Variants in TARS2 observed in about 807,000 individuals in gnomAD.
TARS2 encodes threonyl-tRNA synthetase 2, mitochondrial.
A neutral mutation model predicts 94.4 loss-of-function variants in TARS2; 61 were observed. The ratio of observed to expected loss-of-function variants is 0.65; its 90% CI spans 0.53 to 0.80. The LOEUF (loss-of-function observed/expected upper bound fraction) is 0.80, where lower values mean the gene tolerates loss of function less well. TARS2 is among the 30% of genes least tolerant of loss of function. The pLI, the probability that TARS2 is intolerant of heterozygous loss-of-function variation, is 0.00. For missense variants in TARS2, 704 were observed against 902.5 expected (o/e 0.78, Z 2.82); for synonymous variants, 359 against 353.4 (o/e 1.02, Z -0.18).
At chr1:150,488,177 C>T in intron 2 of TARS2, 123 bp downstream of exon 2, 1 of 1,162,198 alleles carries the variant, frequency 8.6e-7, no homozygotes, top group Non-Finnish European at 1.2e-6. Context: ...GATAGCCTTT[C>T]CTGAAGATTT....
Position 150,507,137 on chromosome 1 carries a change from C to G in TARS2, c.*73C>G. 2.5e-6 allele frequency: 4 copies of G among 1,584,096 alleles called. No individual in the cohort carries two copies. The highest frequency in any genetic ancestry group is 3.4e-6 in the Non-Finnish European group (4 of 1,162,390). ...CCTCACATGGGAGACCCCAACCCAG[C>G]TGACAATGTGGAGCCCCCAGAACTT... On this transcript the variant is annotated 3_prime_UTR_variant, in exon 18 of 18. Transcript: ENST00000369064.
intron 7 of TARS2, among the ~76,000 whole-genome samples, chr1:150,493,115 C>T (rs1309932985): frequency 6.6e-6 from 1 of 151,984 alleles, no homozygotes; most frequent in Non-Finnish European, 1.5e-5. Context: ...GTGATCTTCC[C>T]TTCTCAGCCT....
chr1:150,505,763 A>C, intron 17 of TARS2, 58 bp downstream of exon 17: 1 of 1,530,966 alleles, frequency 6.5e-7, no homozygotes, highest in Non-Finnish European at 9.0e-7. Context: ...CTTGCTGTTA[A>C]GTTTACCAAG....
chr1:150,494,480 G>A (rs182868684), intron 7 of TARS2, among the ~76,000 whole-genome samples: 8 of 151,222 alleles, frequency 5.3e-5, no homozygotes, highest in South Asian at 2.1e-4. Flanking sequence ...TGGTTCACAC[G>A]TGTAATCCCA....
chr1:150,495,164 C>T (rs974919555), intron 7 of TARS2, among the ~76,000 whole-genome samples: 2 of 140,374 alleles, frequency 1.4e-5, no homozygotes, highest in Non-Finnish European at 1.5e-5. Flanking sequence ...TGGGCGACAG[C>T]GAGACTCCGT....
At position 150,490,675 on chromosome 1, in the gene TARS2, T is replaced by A. The variant is rs1669343059; in HGVS notation, c.462T>A (p.Gly154=). Residue 154 remains glycine, a synonymous_variant, in exon 4 of 18, where the codon GGT becomes GGA. Coordinates refer to ENST00000369064, the MANE Select transcript of TARS2 (RefSeq NM_025150.5). ...EQFLGAVLCR[G]PSTEYGFYHD... ...TCCTAGGTGCTGTTCTCTGCAGAGGTCCAAGTACAGAATATGGCTTTTACC... is the reference window on the plus strand; with the variant it reads ...TCCTAGGTGCTGTTCTCTGCAGAGGACCAAGTACAGAATATGGCTTTTACC... 1 of 1,613,788 alleles carries A rather than the reference T, an allele frequency of 6.2e-7. No individual in the cohort carries two copies. Among genetic ancestry groups the A allele is most frequent in the African/African-American group, 1.3e-5 (1 of 74,934 alleles).
At chr1:150,490,855 A>G (rs956827494) in intron 4 of TARS2, 130 bp downstream of exon 4, 43 of 1,315,780 alleles carry the variant, frequency 3.3e-5, no homozygotes, top group Admixed American at 1.1e-4. Context: ...CAACTATGAC[A>G]TTAGTATCTC....
At chr1:150,504,288 G>T (rs370143315) in intron 13 of TARS2, 47 bp from the exon 14 acceptor site, 8 of 1,590,382 alleles carry the variant, frequency 5.0e-6, no homozygotes, top group African/African-American at 1.3e-5. Flanking sequence ...AGTGGTTCTG[G>T]ATAGTGCTTC....
In TARS2 at chr1:150,499,274, G is replaced by C. The variant is rs1250530160; in HGVS notation, c.1598G>C (p.Gly533Ala). The C allele has an allele frequency of 6.2e-7, 1 of 1,613,998 alleles. No individual in the cohort carries two copies. Among genetic ancestry groups the C allele is most frequent in the African/African-American group, 1.3e-5 (1 of 74,882 alleles). ...GEPWDLNSGD[G>A]AFYGPKIDVH... ...CCCTGGGACCTCAACTCTGGAGATG[G>C]TGCCTTCTATGGACCTAAGGTAAGC... Residue 533 changes from glycine (G) to alanine (A), a missense_variant, in exon 13 of 18, where the codon GGT (glycine) becomes GCT (alanine). This residue lies in a region of TARS2 where 466 missense variants were observed against 609.5 expected (regional missense o/e 0.76). Coordinates refer to ENST00000369064, the MANE Select transcript of TARS2 (RefSeq NM_025150.5).
intron 10 of TARS2, among the ~76,000 whole-genome samples, chr1:150,498,218 C>T (rs1669758394): frequency 6.6e-6 from 1 of 152,144 alleles, no homozygotes; most frequent in African/African-American, 2.4e-5. Context: ...GTCTCAGTCT[C>T]CTTAAAGTTG....
intron 13 of TARS2, among the ~76,000 whole-genome samples, chr1:150,502,573 T>G (rs1276509185): frequency 6.6e-6 from 1 of 151,320 alleles, no homozygotes. Flanking sequence ...CCTTTTTTAG[T>G]AGACGGCATT....
At chr1:150,488,469 T>TTTCTCCC (rs145489526) in intron 2 of TARS2, 21 of 171,184 alleles carry the variant, frequency 1.2e-4, no homozygotes, top group Non-Finnish European at 1.8e-4. Flanking sequence ...GATGAGCAAC[T>TTTCTCCC]TTCTCCCCAC....
At chr1:150,493,522 G>A (rs1312977611) in intron 7 of TARS2, among the ~76,000 whole-genome samples, 2 of 152,032 alleles carry the variant, frequency 1.3e-5, no homozygotes, top group East Asian at 3.9e-4. Context: ...GGGAAGCCGA[G>A]GTGGGTGGAC....
chr1:150,487,763 C>G (rs1434338201), intron 1 of TARS2, 95 bp from the exon 2 acceptor site: 11 of 1,496,254 alleles, frequency 7.4e-6, no homozygotes, highest in Middle Eastern at 2.5e-4. Context: ...GGAATTCGGA[C>G]GAAGTCCACT....
chr1:150,498,079 C>T (rs961099702), intron 10 of TARS2, among the ~76,000 whole-genome samples: 2 of 137,108 alleles, frequency 1.5e-5, no homozygotes, highest in Non-Finnish European at 3.1e-5. Context: ...GGTGACACAG[C>T]GAGACTCCAT....
rs1384633186 is a variant in TARS2, at chr1:150,506,903, C to T, written c.2009-13C>T. On this transcript the variant is annotated splice_polypyrimidine_tract_variant and intron_variant, in intron 17 of 17. Transcript: ENST00000369064. Reference sequence around the variant, plus strand: ...AATTTGCCCTGAGGTTCCCAAACTTCCTCTACCTGCAGTGGTTGGCCAGAA... The same window carrying T: ...AATTTGCCCTGAGGTTCCCAAACTTTCTCTACCTGCAGTGGTTGGCCAGAA... The T allele has an allele frequency of 5.0e-6, 8 of 1,613,722 alleles. No individual in the cohort carries two copies. In the Admixed American group the frequency reaches 1.3e-4, roughly 27 times the overall value.
chr1:150,504,524 C>CCCT, intron 14 of TARS2, 89 bp downstream of exon 14: 1 of 1,565,712 alleles, frequency 6.4e-7, no homozygotes. Flanking sequence ...ACCCTCCACA[C>CCCT]CCTCTCCTGC....
intron 7 of TARS2, among the ~76,000 whole-genome samples, chr1:150,494,940 G>A (rs960308211): frequency 2.0e-5 from 3 of 152,160 alleles, no homozygotes; most frequent in African/African-American, 7.2e-5. Context: ...CCATCACTTT[G>A]GGAGGCTGAG....
At chr1:150,499,409 G>A (rs1669813493) in intron 13 of TARS2, 116 bp downstream of exon 13, 9 of 970,374 alleles carry the variant, frequency 9.3e-6, no homozygotes, top group African/African-American at 1.7e-5. Flanking sequence ...TGTCACCCAG[G>A]CTAAAATGCA....
Sources: gnomAD v4.1 joint callset for allele counts (sites outside exome capture counted in the v4.1 genomes callset) on GRCh38, gnomAD v4.1.1 for gene constraint, gnomAD v4.1.1 regional missense constraint, MANE v1.5 for transcripts, NCBI Gene and HGNC (gene_info 2026-07-23, HGNC 2026-07-21) for gene names.